The following NLGN1 variants were observed in gnomAD, a reference collection of about 807,000 sequenced individuals.
NLGN1 encodes neuroligin-1.
In NLGN1, 12 loss-of-function variants were observed where a neutral mutation model predicts 65.5. The observed-to-expected ratio is 0.18, with a 90% CI of 0.12 to 0.30. The LOEUF (loss-of-function observed/expected upper bound fraction) is 0.30. Ranked by LOEUF, NLGN1 falls within the 10% of genes least tolerant of loss-of-function variation. The probability of loss-of-function intolerance (pLI) is 1.00; values close to 1 mark genes in which losing one functional copy is unlikely to be tolerated. For synonymous variants in NLGN1, 350 were observed against 359.5 expected (o/e 0.97, Z 0.30); for missense variants, 750 against 1,007.1 (o/e 0.74, Z 3.46).
At chr3:173,838,109 A>G (rs1724013847) in intron 4 of NLGN1, among the ~76,000 whole-genome samples, 1 of 152,050 alleles carries the variant, frequency 6.6e-6, no homozygotes, top group Non-Finnish European at 1.5e-5. Flanking sequence ...TTTGATTCCC[A>G]GCTCAAGGTT....
At chr3:173,422,338 G>C (rs1010129901) in intron 1 of NLGN1, among the ~76,000 whole-genome samples, 4 of 152,158 alleles carry the variant, frequency 2.6e-5, no homozygotes, top group African/African-American at 7.2e-5. Context: ...AGGAGGTAGA[G>C]AGTAGAATGG....
intron 2 of NLGN1, among the ~76,000 whole-genome samples, chr3:173,455,268 G>C (rs1722313313): frequency 6.6e-6 from 1 of 152,140 alleles, no homozygotes; most frequent in South Asian, 2.1e-4. Context: ...AACATGGTGA[G>C]ACCTGGAGCA....
chr3:173,610,483 TAA>T (rs1752113728), intron 3 of NLGN1, among the ~76,000 whole-genome samples: 1 of 151,834 alleles, frequency 6.6e-6, no homozygotes, highest in South Asian at 2.1e-4. Context: ...ATATAGAAGG[TAA>T]AGATTTCAAG....
intron 4 of NLGN1, among the ~76,000 whole-genome samples, chr3:174,122,388 AG>A (rs1717962097): frequency 6.6e-6 from 1 of 152,190 alleles, no homozygotes; most frequent in Non-Finnish European, 1.5e-5. Context: ...TAAAAATGGC[AG>A]GGTCATACAA....
At chr3:173,856,322 A>G (rs540936133) in intron 4 of NLGN1, among the ~76,000 whole-genome samples, 1 of 152,220 alleles carries the variant, frequency 6.6e-6, no homozygotes, top group East Asian at 1.9e-4. Flanking sequence ...CCTTGCTCAG[A>G]TTATCTCATT....
At chr3:173,861,206 A>G (rs1181688691) in intron 4 of NLGN1, among the ~76,000 whole-genome samples, 1 of 152,268 alleles carries the variant, frequency 6.6e-6, no homozygotes, top group African/African-American at 2.4e-5. Flanking sequence ...TATAAAGCTA[A>G]CAAATTAAAT....
chr3:174,012,363 G>A (rs1725735876), intron 4 of NLGN1, among the ~76,000 whole-genome samples: 1 of 152,064 alleles, frequency 6.6e-6, no homozygotes, highest in South Asian at 2.1e-4. Flanking sequence ...CCCTTAAATT[G>A]ATCTTTTTTT....
At chr3:173,913,687 A>G (rs1158716980) in intron 4 of NLGN1, among the ~76,000 whole-genome samples, 1 of 152,168 alleles carries the variant, frequency 6.6e-6, no homozygotes, top group African/African-American at 2.4e-5. Flanking sequence ...TGCAAAAAGT[A>G]TGTCGAGCAG....
At chr3:173,942,633 C>T (rs997608888) in intron 4 of NLGN1, among the ~76,000 whole-genome samples, 12 of 151,886 alleles carry the variant, frequency 7.9e-5, no homozygotes, top group Admixed American at 7.9e-4. Flanking sequence ...CAAAATGCAA[C>T]CAAAAAAGAA....
intron 4 of NLGN1, among the ~76,000 whole-genome samples, chr3:173,954,625 A>G (rs1341321068): frequency 6.6e-6 from 1 of 151,954 alleles, no homozygotes; most frequent in African/African-American, 2.4e-5. Flanking sequence ...AGTAGAACCA[A>G]TGTACTTCTG....
intron 2 of NLGN1, among the ~76,000 whole-genome samples, chr3:173,450,129 C>T (rs566857619): frequency 2.0e-4 from 30 of 152,232 alleles, no homozygotes; most frequent in East Asian, 1.2e-3. Flanking sequence ...TTATTTTGCT[C>T]GTTAGTTGAT....
chr3:174,132,633 C>T (rs775418996), intron 4 of NLGN1, among the ~76,000 whole-genome samples: 48 of 152,224 alleles, frequency 3.2e-4, no homozygotes, highest in African/African-American at 5.8e-4. Context: ...CGACTAGTCA[C>T]GTGGGCTTAA....
chr3:173,913,884 G>T (rs1204742015), intron 4 of NLGN1, among the ~76,000 whole-genome samples: 1 of 152,104 alleles, frequency 6.6e-6, no homozygotes, highest in Non-Finnish European at 1.5e-5. Flanking sequence ...CCATCTTGTT[G>T]GTCTTCATGG....
At chr3:174,129,238 ATT>A (rs1719616215) in intron 4 of NLGN1, among the ~76,000 whole-genome samples, 2 of 152,056 alleles carry the variant, frequency 1.3e-5, no homozygotes, top group Admixed American at 6.6e-5. Context: ...CAAACGATCA[ATT>A]TTTTGGCTCA....
At chr3:173,751,603 A>C (rs1213543379) in intron 3 of NLGN1, among the ~76,000 whole-genome samples, 2 of 152,086 alleles carry the variant, frequency 1.3e-5, no homozygotes, top group African/African-American at 2.4e-5. Context: ...AGACAGAGTA[A>C]GACAGAGATT....
chr3:174,011,474 A>G (rs1434224774), intron 4 of NLGN1, among the ~76,000 whole-genome samples: 1 of 152,202 alleles, frequency 6.6e-6, no homozygotes, highest in Non-Finnish European at 1.5e-5. Context: ...ATTCAGAACA[A>G]TGAATATAAA....
intron 2 of NLGN1, among the ~76,000 whole-genome samples, chr3:173,520,420 G>A (rs1295544510): frequency 6.6e-6 from 1 of 152,180 alleles, no homozygotes; most frequent in Non-Finnish European, 1.5e-5. Context: ...GAAATAAAAG[G>A]AGTGATAATC....
intron 3 of NLGN1, among the ~76,000 whole-genome samples, chr3:173,684,933 A>G (rs986894910): frequency 5.3e-5 from 8 of 152,184 alleles, no homozygotes; most frequent in African/African-American, 1.9e-4. Flanking sequence ...GATAATTCAT[A>G]AATTATTGTT....
intron 4 of NLGN1, among the ~76,000 whole-genome samples, chr3:174,107,007 CACACACACACAGAG>C (rs1355426329): frequency 2.0e-3 from 245 of 120,538 alleles, no homozygotes; most frequent in African/African-American, 5.5e-3. Flanking sequence ...CACACACACA[CACACACACACAGAG>C]AGAGAGAGAG....
Sources: gnomAD v4.1 joint callset for allele counts (sites outside exome capture counted in the v4.1 genomes callset) on GRCh38, gnomAD v4.1.1 for gene constraint, MANE v1.5 for transcripts, NCBI Gene and HGNC (gene_info 2026-07-23, HGNC 2026-07-21) for gene names.